The following GRM7 variants were observed in gnomAD, a reference collection of about 807,000 sequenced individuals.
The protein encoded by GRM7 is metabotropic glutamate receptor 7.
GRM7 carries 35 observed loss-of-function variants against 84.5 expected under a neutral mutation model. The ratio of observed to expected loss-of-function variants is 0.41; its 90% CI spans 0.32 to 0.55. The LOEUF (loss-of-function observed/expected upper bound fraction) is 0.55. Among genes scored for constraint, GRM7 ranks in the 20% least tolerant of loss-of-function variants. The pLI is 0.19. For missense variants in GRM7, 1,003 were observed against 1,194.6 expected, an observed-to-expected ratio of 0.84 and a Z score of 2.36; for synonymous variants, 487 against 455.1, an observed-to-expected ratio of 1.07 and a Z score of -0.89.
chr3:7,525,309 C>G (rs775438754), intron 7 of GRM7, among the ~76,000 whole-genome samples: 1 of 152,032 alleles, frequency 6.6e-6, no homozygotes, highest in Non-Finnish European at 1.5e-5. Flanking sequence ...TCGGAATTCT[C>G]TGGTGTTAAA....
At chr3:7,504,246 G>A (rs1159565034) in intron 7 of GRM7, among the ~76,000 whole-genome samples, 1 of 152,142 alleles carries the variant, frequency 6.6e-6, no homozygotes, top group East Asian at 1.9e-4. Context: ...ACATTAATAG[G>A]TCAGATGGCT....
chr3:6,921,828 C>G (rs1162999487), intron 1 of GRM7, among the ~76,000 whole-genome samples: 12 of 152,144 alleles, frequency 7.9e-5, no homozygotes, highest in Admixed American at 7.2e-4. Context: ...TCTCTCTCCT[C>G]TCCCCCCAAA....
chr3:7,176,417 G>GA (rs1294098730), intron 2 of GRM7, among the ~76,000 whole-genome samples: 1 of 151,396 alleles, frequency 6.6e-6, no homozygotes, highest in Non-Finnish European at 1.5e-5. Flanking sequence ...ACCCTGTCTT[G>GA]AAAAAAACAA....
intron 2 of GRM7, 100 bp from the exon 3 acceptor site, chr3:7,298,584 C>A: frequency 1.1e-6 from 1 of 934,664 alleles, no homozygotes; most frequent in Non-Finnish European, 1.7e-6. Flanking sequence ...GGAAGTATTG[C>A]ATATCCGGGA....
chr3:7,498,172 C>A (rs1206081599), intron 7 of GRM7, among the ~76,000 whole-genome samples: 3 of 152,150 alleles, frequency 2.0e-5, no homozygotes, highest in Non-Finnish European at 2.9e-5. Context: ...CACAAGTAAA[C>A]CTTGCCTCCC....
intron 1 of GRM7, among the ~76,000 whole-genome samples, chr3:7,142,164 CAGAA>C (rs1693966377): frequency 6.6e-6 from 1 of 151,340 alleles, no homozygotes; most frequent in Non-Finnish European, 1.5e-5. Flanking sequence ...ATTATGCAAC[CAGAA>C]AGAAAGAGAG....
intron 9 of GRM7, among the ~76,000 whole-genome samples, chr3:7,692,290 T>C (rs1490448434): frequency 6.6e-6 from 1 of 152,172 alleles, no homozygotes; most frequent in African/African-American, 2.4e-5. Flanking sequence ...GCTGGCAAGC[T>C]GAAGAGCATT....
chr3:7,173,739 A>C (rs1695058749), intron 2 of GRM7, among the ~76,000 whole-genome samples: 1 of 151,850 alleles, frequency 6.6e-6, no homozygotes, highest in South Asian at 2.1e-4. Flanking sequence ...TACTCAGTTA[A>C]CTCCTGGACC....
At chr3:7,093,475 C>A (rs950435966) in intron 1 of GRM7, among the ~76,000 whole-genome samples, 1 of 151,238 alleles carries the variant, frequency 6.6e-6, no homozygotes, top group Non-Finnish European at 1.5e-5. Flanking sequence ...GTCAGGAGTT[C>A]GAGACCAGCC....
intron 7 of GRM7, among the ~76,000 whole-genome samples, chr3:7,515,398 T>C (rs553331220): frequency 4.7e-4 from 72 of 152,216 alleles, no homozygotes; most frequent in African/African-American, 1.7e-3. Context: ...CCAGGAGCAC[T>C]GCCCCGAGCT....
chr3:6,970,078 C>CT (rs1693684477), intron 1 of GRM7, among the ~76,000 whole-genome samples: 1 of 152,176 alleles, frequency 6.6e-6, no homozygotes, highest in Non-Finnish European at 1.5e-5. Flanking sequence ...GAGGGTACAT[C>CT]TTTTTTTGTA....
intron 9 of GRM7, among the ~76,000 whole-genome samples, chr3:7,735,047 A>AC (rs1473686212): frequency 1.6e-5 from 2 of 127,850 alleles, no homozygotes; most frequent in Non-Finnish European, 1.6e-5. Context: ...AGAAGTAATT[A>AC]CAAAAAAAAG....
chr3:7,421,422 CTA>C (rs1559310319), intron 5 of GRM7, among the ~76,000 whole-genome samples: 1 of 152,152 alleles, frequency 6.6e-6, no homozygotes, highest in Non-Finnish European at 1.5e-5. Context: ...TGGTTGTTTT[CTA>C]TAACTTCACT....
At chr3:7,143,231 A>C (rs1694006636) in intron 1 of GRM7, among the ~76,000 whole-genome samples, 1 of 152,194 alleles carries the variant, frequency 6.6e-6, no homozygotes, top group Non-Finnish European at 1.5e-5. Flanking sequence ...ATAACTATGT[A>C]GGCTTTAACA....
At chr3:7,496,753 G>A (rs184683094) in intron 7 of GRM7, among the ~76,000 whole-genome samples, 49 of 151,682 alleles carry the variant, frequency 3.2e-4, no homozygotes, top group Non-Finnish European at 6.0e-4. Flanking sequence ...CAACTGCATC[G>A]AATTAAGAAA....
intron 4 of GRM7, among the ~76,000 whole-genome samples, chr3:7,344,280 T>A (rs923119844): frequency 1.3e-5 from 2 of 152,150 alleles, no homozygotes; most frequent in African/African-American, 2.4e-5. Flanking sequence ...GTGTGTGTTG[T>A]TACCCTCTAT....
At chr3:7,680,405 G>T in intron 9 of GRM7, 110 bp downstream of exon 9, 1 of 1,166,202 alleles carries the variant, frequency 8.6e-7, no homozygotes, top group Non-Finnish European at 1.2e-6. Flanking sequence ...CTTGTCTTAT[G>T]GGCTGGGTTG....
rs142294415 is a variant in GRM7, at chr3:7,629,481, C to G, written c.2451+50124C>G. Among the ~76,000 whole-genome samples the G allele has an allele frequency of 2.6e-5, 4 of 152,286 alleles. No individual in the cohort carries two copies. The East Asian group carries it at 7.7e-4, about 29-fold the overall frequency. ...CCCCAGTGCAGAAAGAGAGAGCACT[C>G]TGGTATCTCCTCCTTTTCTTATGTG... On this transcript the variant is annotated intron_variant, in intron 8 of 9. Transcript: ENST00000357716.
chr3:7,432,634 T>TAAA (rs71625343), intron 5 of GRM7, among the ~76,000 whole-genome samples: 1 of 145,708 alleles, frequency 6.9e-6, no homozygotes, highest in African/African-American at 2.5e-5. Flanking sequence ...GCATCTAGTT[T>TAAA]AAAAAAAAAA....
Sources: gnomAD v4.1 joint callset for allele counts (sites outside exome capture counted in the v4.1 genomes callset) on GRCh38, gnomAD v4.1.1 for gene constraint, MANE v1.5 for transcripts, NCBI Gene and HGNC (gene_info 2026-07-23, HGNC 2026-07-21) for gene names.